The following DPF3 variants were observed in gnomAD, a reference collection of about 807,000 sequenced individuals.
DPF3 encodes the protein zinc finger protein DPF3.
DPF3 carries 18 observed loss-of-function variants against 56.8 expected under a neutral mutation model. The observed-to-expected ratio is 0.32, with a 90% CI of 0.22 to 0.47. The LOEUF (loss-of-function observed/expected upper bound fraction) is 0.47. Among genes scored for constraint, DPF3 ranks in the 20% least tolerant of loss-of-function variants. The probability of loss-of-function intolerance (pLI) is 1.00; values close to 1 mark genes in which losing one functional copy is unlikely to be tolerated. For missense variants in DPF3, 403 were observed against 488.8 expected (o/e 0.82, Z 1.65); for synonymous variants, 188 against 180.2 (o/e 1.04, Z -0.35).
chr14:72,832,297 T>A (rs74664225), intron 1 of DPF3, among the ~76,000 whole-genome samples: 34 of 152,154 alleles, frequency 2.2e-4, no homozygotes, highest in African/African-American at 5.8e-4. Context: ...AGATAAAAAA[T>A]TTTTTTAAAA....
intron 7 of DPF3, among the ~76,000 whole-genome samples, chr14:72,686,978 C>T (rs1419082742): frequency 6.6e-6 from 1 of 152,232 alleles, no homozygotes; most frequent in Non-Finnish European, 1.5e-5. Flanking sequence ...AGAAGACTAA[C>T]ATCTGTTAGA....
At chr14:72,656,526 G>A (rs1886066223) in intron 8 of DPF3, among the ~76,000 whole-genome samples, 1 of 152,118 alleles carries the variant, frequency 6.6e-6, no homozygotes, top group Admixed American at 6.5e-5. Context: ...TTCCTAGTCT[G>A]GTGTAAAGAA....
At chr14:72,696,152 A>T (rs2153573363) in intron 6 of DPF3, among the ~76,000 whole-genome samples, 1 of 152,328 alleles carries the variant, frequency 6.6e-6, no homozygotes, top group East Asian at 1.9e-4. Flanking sequence ...TATTAAAAGT[A>T]ATGATAATGA....
At chr14:72,639,623 A>T (rs1233242697) in intron 8 of DPF3, among the ~76,000 whole-genome samples, 1 of 152,096 alleles carries the variant, frequency 6.6e-6, no homozygotes, top group Non-Finnish European at 1.5e-5. Flanking sequence ...GCCCAAGGGG[A>T]ACTGAATCCT....
intron 7 of DPF3, among the ~76,000 whole-genome samples, chr14:72,689,277 C>G (rs929765220): frequency 1.3e-5 from 2 of 152,166 alleles, no homozygotes; most frequent in Non-Finnish European, 2.9e-5. Flanking sequence ...TGGTGCAAAC[C>G]CAGCTGCCCT....
chr14:72,786,929 A>G (rs1892231539), intron 1 of DPF3, among the ~76,000 whole-genome samples: 1 of 152,236 alleles, frequency 6.6e-6, no homozygotes, highest in Non-Finnish European at 1.5e-5. Context: ...GGGCGAAAGG[A>G]CACATCCTAG....
At position 72,674,246 on chromosome 14, in the gene DPF3, G is replaced by A. The variant is rs781541440; in HGVS notation, c.865C>T (p.Arg289Cys). The A allele has an allele frequency of 5.6e-6, 9 of 1,612,536 alleles. No individual in the cohort carries two copies. Among genetic ancestry groups the A allele is most frequent in the East Asian group, 2.2e-5 (1 of 44,842 alleles). ...EELVSCADCG[R>C]SGHPTCLQFT... ...GGGAAGGGGCCACACTCACCAGAGC[G>A]TCCACAGTCTGCGCAGGACACCAGC... Residue 289 changes from arginine to cysteine, a missense_variant, in exon 8 of 11, where the codon CGC (arginine) becomes TGC (cysteine). Physicochemically the swap from Arg to Cys is radical, Grantham distance 180. Around this residue, in one of 2 missense-constraint regions of DPF3, gnomAD observed 63 missense variants for 114.4 expected, o/e 0.55. Coordinates refer to ENST00000556509, the MANE Select transcript of DPF3 (RefSeq NM_001280542.3).
chr14:72,824,551 C>CTTTTTTTTTTTTTTTT (rs375498304), intron 1 of DPF3, among the ~76,000 whole-genome samples: 11 of 143,244 alleles, frequency 7.7e-5, no homozygotes, highest in South Asian at 2.2e-4. Context: ...TTTTCTTTTT[C>CTTTTTTTTTTTTTTTT]TTTTTTTTTT....
chr14:72,673,497 G>C (rs2153570664), intron 8 of DPF3, among the ~76,000 whole-genome samples: 1 of 152,258 alleles, frequency 6.6e-6, no homozygotes, highest in Non-Finnish European at 1.5e-5. Context: ...ATAATGGTTT[G>C]GTTAGAACTA....
At chr14:72,788,143 C>T (rs1355100423) in intron 1 of DPF3, among the ~76,000 whole-genome samples, 1 of 152,204 alleles carries the variant, frequency 6.6e-6, no homozygotes, top group Non-Finnish European at 1.5e-5. Flanking sequence ...GGTAAGTGTT[C>T]ATTCTGGGGA....
At chr14:72,772,705 C>T (rs1252448476) in intron 1 of DPF3, among the ~76,000 whole-genome samples, 4 of 152,042 alleles carry the variant, frequency 2.6e-5, no homozygotes, top group Non-Finnish European at 5.9e-5. Flanking sequence ...AGGTAGTGTC[C>T]TTTTCAAAGA....
At chr14:72,783,956 G>A (rs1004265115) in intron 1 of DPF3, among the ~76,000 whole-genome samples, 2 of 152,172 alleles carry the variant, frequency 1.3e-5, no homozygotes, top group East Asian at 1.9e-4. Flanking sequence ...TCCGGAGGGC[G>A]CAGTCTCCCC....
intron 2 of DPF3, among the ~76,000 whole-genome samples, chr14:72,767,339 T>C (rs763180026): frequency 1.3e-5 from 2 of 151,952 alleles, no homozygotes; most frequent in Non-Finnish European, 2.9e-5. Context: ...ATAACAAAAA[T>C]GTTAGAATTA....
At position 72,611,413 on chromosome 14, in the gene DPF3, G is replaced by C. The variant is rs904356817; in HGVS notation, c.*7884C>G. Reference sequence around the variant, plus strand: ...TTTGCTGAAAACCTCTCTGATGCTGGGTTTCATCCCTGCACACACCAGCAG... The same window carrying C: ...TTTGCTGAAAACCTCTCTGATGCTGCGTTTCATCCCTGCACACACCAGCAG... On this transcript the variant is annotated 3_prime_UTR_variant, in exon 11 of 11. Transcript: ENST00000556509. Among the ~76,000 whole-genome samples, 1 of 152,230 alleles carries C rather than the reference G, an allele frequency of 6.6e-6. No homozygotes were observed. The highest frequency in any genetic ancestry group is 1.5e-5 in the Non-Finnish European group (1 of 68,046).
intron 1 of DPF3, among the ~76,000 whole-genome samples, chr14:72,816,984 C>A (rs1318962021): frequency 6.6e-6 from 1 of 152,180 alleles, no homozygotes; most frequent in Non-Finnish European, 1.5e-5. Flanking sequence ...GCCATCTGCC[C>A]CCCTCTGAAG....
chr14:72,732,831 TTTCTTTCCTTTCCCTCCC>T (rs1372276710), intron 3 of DPF3, among the ~76,000 whole-genome samples: 6 of 152,102 alleles, frequency 3.9e-5, no homozygotes, highest in Non-Finnish European at 8.8e-5. Context: ...CCTTCCCTCC[TTTCTTTCCTTTCCCTCCC>T]TCCCTCCTTT....
intron 1 of DPF3, among the ~76,000 whole-genome samples, chr14:72,812,155 C>A (rs931963003): frequency 6.6e-6 from 1 of 152,048 alleles, no homozygotes; most frequent in Non-Finnish European, 1.5e-5. Context: ...CCATGAGATA[C>A]CAGTGTAGTC....
intron 8 of DPF3, among the ~76,000 whole-genome samples, chr14:72,666,288 T>G (rs575514831): frequency 6.6e-6 from 1 of 152,338 alleles, no homozygotes; most frequent in East Asian, 1.9e-4. Flanking sequence ...ACTTAGACAT[T>G]GCTACTTCTC....
chr14:72,893,002 A>T (rs934104859), intron 1 of DPF3, among the ~76,000 whole-genome samples: 1 of 125,430 alleles, frequency 8.0e-6, no homozygotes, highest in African/African-American at 3.1e-5. Context: ...GAAGGAAGGA[A>T]GGAAGGAAGG....
Sources: gnomAD v4.1 joint callset for allele counts (sites outside exome capture counted in the v4.1 genomes callset) on GRCh38, gnomAD v4.1.1 for gene constraint, gnomAD v4.1.1 regional missense constraint, MANE v1.5 for transcripts, NCBI Gene and HGNC (gene_info 2026-07-23, HGNC 2026-07-21) for gene names.